The following COL4A4 variants were observed in gnomAD, a reference collection of about 807,000 sequenced individuals.
COL4A4 encodes the protein collagen alpha-4(IV) chain.
A neutral mutation model predicts 192.9 loss-of-function variants in COL4A4; 105 were observed. The ratio of observed to expected loss-of-function variants is 0.54; its 90% confidence interval spans 0.46 to 0.64. COL4A4 has a LOEUF of 0.64. Ranked by LOEUF, COL4A4 falls within the 30% of genes least tolerant of loss-of-function variation. The pLI is 0.00. For synonymous variants in COL4A4, 762 were observed against 769.9 expected (o/e 0.99, Z 0.17); for missense variants, 1,967 against 2,169.3 (o/e 0.91, Z 1.85).
rs1466685743 is a variant in COL4A4, at chr2:227,052,355, G to A, written c.2918C>T (p.Thr973Ile). 1 of 1,613,590 alleles carries A rather than the reference G, an allele frequency of 6.2e-7. No homozygotes were observed. The highest frequency in any genetic ancestry group is 1.7e-5 in the Admixed American group (1 of 60,016). ...TCCAGGAGGTCCAGGTTCCCCAGGT[G>A]TTCCCTTTTGTGAAATGATAGCCAT... ...GEMAIISQKG[T>I]PGEPGPPGDD... Residue 973 changes from threonine to isoleucine, a missense_variant, in exon 32 of 48, where the codon ACA (threonine) becomes ATA (isoleucine). Coordinates refer to ENST00000396625, the MANE Select transcript of COL4A4 (RefSeq NM_000092.5).
chr2:227,068,192 C>A (rs1470861907), intron 25 of COL4A4, among the ~76,000 whole-genome samples: 67 of 150,762 alleles, frequency 4.4e-4, no homozygotes, highest in African/African-American at 1.3e-3. Context: ...TCTGAATAGA[C>A]CAATAACAGG....
chr2:227,118,111 C>T (rs914044298), intron 7 of COL4A4, among the ~76,000 whole-genome samples: 1 of 151,956 alleles, frequency 6.6e-6, no homozygotes, highest in African/African-American at 2.4e-5. Context: ...AGTGCAGTTA[C>T]AGCTTCCTGA....
intron 38 of COL4A4, 36 bp from the exon 39 acceptor site, chr2:227,032,312 T>C (rs1470170009): frequency 6.3e-7 from 1 of 1,584,688 alleles, no homozygotes; most frequent in South Asian, 1.1e-5. Context: ...CTATATCTTC[T>C]CTTTTCTTGT....
At chr2:227,146,586 T>C (rs564237845) in intron 2 of COL4A4, among the ~76,000 whole-genome samples, 3 of 152,294 alleles carry the variant, frequency 2.0e-5, no homozygotes. Flanking sequence ...AATGCATATA[T>C]ATTATCTTAT....
At chr2:226,988,317 C>A in the COL4A4 span, 2 of 1,547,656 alleles carry the variant, frequency 1.3e-6, no homozygotes, top group South Asian at 1.2e-5. Flanking sequence ...CTGTGCCCCA[C>A]CTGAACATCT....
chr2:227,106,942 T>C (rs992419958), intron 12 of COL4A4, among the ~76,000 whole-genome samples: 1 of 152,226 alleles, frequency 6.6e-6, no homozygotes, highest in African/African-American at 2.4e-5. Flanking sequence ...ATCATTTGAA[T>C]GGCCACCTCA....
At chr2:227,036,343 C>A (rs1008561554) in intron 37 of COL4A4, among the ~76,000 whole-genome samples, 1 of 152,150 alleles carries the variant, frequency 6.6e-6, no homozygotes, top group African/African-American at 2.4e-5. Flanking sequence ...CTCGACACAC[C>A]CAAGAGCTTT....
Position 227,057,510 on chromosome 2 carries a change from C to T in COL4A4, c.2474G>A (p.Gly825Asp), listed in dbSNP as rs1397321824. ...TGGAGCACCTCTTTCACAGGAATGG[C>T]CAGGTGGACCTGGGACACCTGGAAA... ...AGFPGVPGPP[G>D]HSCERGAPGI... is the part of the protein sequence containing the mutation. Residue 825 changes from glycine to aspartate, a missense_variant, in exon 29 of 48, where the codon GGC (glycine) becomes GAC (aspartate). Gly to Asp is a moderately conservative substitution (Grantham distance 94, BLOSUM62 -1). Transcript: ENST00000396625. 3.1e-6 allele frequency: 5 copies of T among 1,613,406 alleles called. No homozygotes were observed. Among genetic ancestry groups the T allele is most frequent in the Non-Finnish European group, 4.2e-6 (5 of 1,179,834 alleles).
At chr2:227,066,693 C>G (rs1399082626) in intron 25 of COL4A4, among the ~76,000 whole-genome samples, 1 of 148,992 alleles carries the variant, frequency 6.7e-6, no homozygotes, top group African/African-American at 2.5e-5. Flanking sequence ...ACCAGGCCTG[C>G]CCTAAAAGAG....
intron 1 of COL4A4, among the ~76,000 whole-genome samples, chr2:227,150,946 T>C (rs1396644824): frequency 6.6e-6 from 1 of 152,086 alleles, no homozygotes; most frequent in African/African-American, 2.4e-5. Context: ...TCTTCTCTTT[T>C]AATAGCTACA....
chr2:227,096,992 C>A (rs963123454), intron 19 of COL4A4, among the ~76,000 whole-genome samples: 4 of 151,962 alleles, frequency 2.6e-5, no homozygotes, highest in African/African-American at 9.7e-5. Flanking sequence ...ATTATATATA[C>A]AAGTATATAA....
chr2:226,970,068 C>G, the COL4A4 span, among the ~76,000 whole-genome samples: 3 of 147,718 alleles, frequency 2.0e-5, no homozygotes, highest in Non-Finnish European at 3.0e-5. Context: ...CCTCTCCCCC[C>G]GCATTCCTTA....
chr2:226,988,365 T>C, the COL4A4 span: 1,741 of 1,550,308 alleles, frequency 1.1e-3, 19 homozygotes, highest in African/African-American at 0.02. Flanking sequence ...ATGGCAAGTC[T>C]CCTGGACCCC....
chr2:226,992,592 G>A, the COL4A4 span, among the ~76,000 whole-genome samples: 6 of 152,330 alleles, frequency 3.9e-5, no homozygotes, highest in East Asian at 7.7e-4. Context: ...GGAGACCCAC[G>A]TGGGAACTTT....
chr2:227,075,220 T>A (rs1163854662), intron 25 of COL4A4, among the ~76,000 whole-genome samples: 1 of 152,026 alleles, frequency 6.6e-6, no homozygotes, highest in African/African-American at 2.4e-5. Flanking sequence ...CAAGCTAATA[T>A]CCCTGATGAA....
intron 20 of COL4A4, among the ~76,000 whole-genome samples, chr2:227,091,731 T>TA (rs1447632353): frequency 1.3e-5 from 2 of 151,712 alleles, no homozygotes; most frequent in Non-Finnish European, 2.9e-5. Flanking sequence ...CTGTCTCTAC[T>TA]AAAAAATGCA....
At position 227,055,929 on chromosome 2, in the gene COL4A4, A is replaced by T; in HGVS notation, c.2716+16T>A. On this transcript the variant is annotated intron_variant, in intron 30 of 47. Coordinates refer to ENST00000396625, the MANE Select transcript of COL4A4 (RefSeq NM_000092.5). ...TTTCTAAGATGGGAGGACATCATGGAAAAAGCACTACCTACCCTTTGGACC... is the reference window on the plus strand; with the variant it reads ...TTTCTAAGATGGGAGGACATCATGGTAAAAGCACTACCTACCCTTTGGACC... 6.2e-7 allele frequency: 1 copy of T among 1,607,512 alleles called. No homozygotes were observed. Among genetic ancestry groups the T allele is most frequent in the Non-Finnish European group, 8.5e-7 (1 of 1,176,348 alleles).
intron 7 of COL4A4, among the ~76,000 whole-genome samples, chr2:227,116,939 G>C (rs532097329): frequency 6.6e-6 from 1 of 152,278 alleles, no homozygotes; most frequent in African/African-American, 2.4e-5. Context: ...AACTACTCTT[G>C]ATAAGTTTTT....
intron 44 of COL4A4, among the ~76,000 whole-genome samples, chr2:227,021,633 G>A (rs922313384): frequency 7.2e-5 from 11 of 152,070 alleles, no homozygotes; most frequent in African/African-American, 2.7e-4. Context: ...AGACCATCCT[G>A]GCTAACTCGG....
Sources: allele counts gnomAD v4.1 joint callset (sites outside exome capture counted in the v4.1 genomes callset), GRCh38; gene constraint gnomAD v4.1.1; transcripts MANE v1.5; gene names NCBI Gene and HGNC (gene_info 2026-07-23, HGNC 2026-07-21).